ANKRD18A: variants seen among roughly 807,000 people sequenced by gnomAD.
The protein encoded by ANKRD18A is ankyrin repeat domain-containing protein 18A.
ANKRD18A carries 72 observed loss-of-function variants against 110.6 expected under a neutral mutation model. The ratio of observed to expected loss-of-function variants is 0.65; its 90% CI spans 0.54 to 0.79. ANKRD18A has a LOEUF of 0.79. Ranked by LOEUF, ANKRD18A falls within the 30% of genes least tolerant of loss-of-function variation. The pLI is 0.00. For synonymous variants in ANKRD18A, 305 were observed against 410.3 expected, an observed-to-expected ratio of 0.74 and a Z score of 3.10; for missense variants, 934 against 1,163.3, an observed-to-expected ratio of 0.80 and a Z score of 2.87.
chr9:38,617,840 AT>A (rs1469297284), intron 1 of ANKRD18A, among the ~76,000 whole-genome samples: 1 of 152,326 alleles, frequency 6.6e-6, no homozygotes, highest in East Asian at 1.9e-4. Context: ...GAATAAATGG[AT>A]TGATAGAATA....
chr9:38,614,418 G>A lies in ANKRD18A; in HGVS notation c.495+1176C>T, dbSNP rs999379807. On this transcript the variant is annotated intron_variant, in intron 3 of 15. Coordinates refer to ENST00000399703, the MANE Select transcript of ANKRD18A (RefSeq NM_147195.4). ...CCACCTCAGCCTCCTGAGTAGCTGG[G>A]ACTACAGGAACATGCCACAGTGCAT... is the stretch of plus-strand genomic sequence containing the variant. Among the ~76,000 whole-genome samples, 8 of 152,046 alleles carry A rather than the reference G, an allele frequency of 5.3e-5. No individual in the cohort carries two copies. The East Asian group carries it at 9.7e-4, about 18-fold the overall frequency.
At chr9:38,592,275 TAGA>T (rs1201004611) in intron 10 of ANKRD18A, among the ~76,000 whole-genome samples, 1 of 152,260 alleles carries the variant, frequency 6.6e-6, no homozygotes, top group Non-Finnish European at 1.5e-5. Flanking sequence ...TTTCAATTTA[TAGA>T]AGGATAGGCG....
chr9:38,606,391 G>A (rs1825359649), intron 6 of ANKRD18A, among the ~76,000 whole-genome samples: 1 of 152,090 alleles, frequency 6.6e-6, no homozygotes, highest in Non-Finnish European at 1.5e-5. Flanking sequence ...TTCCTCCTCA[G>A]CCTAATCAAC....
intron 12 of ANKRD18A, among the ~76,000 whole-genome samples, chr9:38,584,005 G>C (rs1375943077): frequency 6.6e-6 from 1 of 152,222 alleles, no homozygotes; most frequent in Non-Finnish European, 1.5e-5. Flanking sequence ...GGGGGGATGG[G>C]GTGGAGCCAC....
chr9:38,588,867 C>A (rs1381242556), intron 10 of ANKRD18A, among the ~76,000 whole-genome samples: 4 of 152,132 alleles, frequency 2.6e-5, no homozygotes, highest in Non-Finnish European at 5.9e-5. Context: ...TTCATCATTA[C>A]CTTTTCTGAA....
At chr9:38,575,388 G>A in intron 15 of ANKRD18A, 88 bp downstream of exon 15, 2 of 1,322,292 alleles carry the variant, frequency 1.5e-6, no homozygotes, top group Non-Finnish European at 2.0e-6. Context: ...ACATGCGTAA[G>A]TCAACAGAAC....
intron 10 of ANKRD18A, among the ~76,000 whole-genome samples, chr9:38,591,156 T>C (rs1824631782): frequency 6.8e-6 from 1 of 147,402 alleles, no homozygotes; most frequent in African/African-American, 2.5e-5. Context: ...TTTGGTAGAG[T>C]CAGGGTCTCA....
chr9:38,603,349 C>A (rs1303210009), intron 6 of ANKRD18A, 137 bp from the exon 7 acceptor site: 26 of 1,229,726 alleles, frequency 2.1e-5, no homozygotes, highest in Admixed American at 1.3e-4. Flanking sequence ...GCACTCATCA[C>A]CACAAATTTA....
chr9:38,585,019 GC>G (rs1380946007), intron 12 of ANKRD18A, among the ~76,000 whole-genome samples: 1 of 152,124 alleles, frequency 6.6e-6, no homozygotes, highest in East Asian at 1.9e-4. Context: ...AATGGCTGTT[GC>G]AGGGCCAAGA....
intron 8 of ANKRD18A, among the ~76,000 whole-genome samples, chr9:38,598,793 C>A (rs1414405570): frequency 6.6e-6 from 1 of 152,196 alleles, no homozygotes; most frequent in African/African-American, 2.4e-5. Flanking sequence ...TTCCATATGG[C>A]TTGTGGAACA....
chr9:38,595,766 T>C lies in ANKRD18A; in HGVS notation c.1574A>G (p.His525Arg). Residue 525 changes from histidine to arginine, a missense_variant, in exon 9 of 16, where the codon CAT (histidine) becomes CGT (arginine). His to Arg is a conservative substitution (Grantham distance 29). Coordinates refer to ENST00000399703, the MANE Select transcript of ANKRD18A (RefSeq NM_147195.4). ...QHRIKEMKQM[H>R]PNGEAKESQS... Reference sequence around the variant, plus strand: ...ACTTTCTTTAGCTTCTCCATTTGGATGCATCTGCTTCATTTCCTTTATTCG... The same window carrying C: ...ACTTTCTTTAGCTTCTCCATTTGGACGCATCTGCTTCATTTCCTTTATTCG... The C allele has an allele frequency of 6.4e-7, 1 of 1,551,388 alleles. No individual in the cohort carries two copies. Among genetic ancestry groups the C allele is most frequent in the South Asian group, 1.2e-5 (1 of 83,968 alleles).
At chr9:38,616,354 C>T (rs1056868736) in intron 1 of ANKRD18A, among the ~76,000 whole-genome samples, 4 of 152,166 alleles carry the variant, frequency 2.6e-5, no homozygotes, top group Non-Finnish European at 4.4e-5. Context: ...ATAAAGATGA[C>T]CACAGCAGCT....
Position 38,595,781 on chromosome 9 carries a change from T to C in ANKRD18A, c.1559A>G (p.Glu520Gly). Reference protein sequence around the residue: ...DLRQAQHRIKEMKQMHPNGEA... With the variant: ...DLRQAQHRIKGMKQMHPNGEA... ...TCCATTTGGATGCATCTGCTTCATT[T>C]CCTTTATTCGATGCTGTGCTTGCCT... Residue 520 changes from glutamate to glycine, a missense_variant, in exon 9 of 16, where the codon GAA (glutamate) becomes GGA (glycine). By Grantham distance (98) the Glu-to-Gly change is moderately conservative (BLOSUM62 -2). This residue lies in a region of ANKRD18A where 630 missense variants were observed against 797.5 expected (regional missense o/e 0.79). Transcript: ENST00000399703. 6.4e-7 allele frequency: 1 copy of C among 1,551,270 alleles called. No individual in the cohort carries two copies. Among genetic ancestry groups the C allele is most frequent in the Non-Finnish European group, 8.7e-7 (1 of 1,146,634 alleles).
chr9:38,611,618 C>T (rs1825625396), intron 3 of ANKRD18A, among the ~76,000 whole-genome samples: 2 of 152,090 alleles, frequency 1.3e-5, no homozygotes, highest in East Asian at 3.9e-4. Flanking sequence ...TTCATTGTTT[C>T]CCACTGAAAC....
At chr9:38,597,711 A>G (rs985344592) in intron 8 of ANKRD18A, among the ~76,000 whole-genome samples, 1 of 152,138 alleles carries the variant, frequency 6.6e-6, no homozygotes, top group Non-Finnish European at 1.5e-5. Context: ...GGGTGGTGGG[A>G]GGCCTCATCT....
At chr9:38,570,312 C>T (rs1823592305), downstream of ANKRD18A, among the ~76,000 whole-genome samples, 1 of 152,158 alleles carries the variant, frequency 6.6e-6, no homozygotes, top group South Asian at 2.1e-4. Flanking sequence ...AATAATTCTC[C>T]ATGGATCAGT....
At chr9:38,598,052 G>A (rs911179467) in intron 8 of ANKRD18A, among the ~76,000 whole-genome samples, 5 of 152,160 alleles carry the variant, frequency 3.3e-5, no homozygotes, top group African/African-American at 1.2e-4. Flanking sequence ...ATGCATGAAA[G>A]CACATTAAAC....
chr9:38,611,943 G>A (rs1825637918), intron 3 of ANKRD18A, among the ~76,000 whole-genome samples: 1 of 152,096 alleles, frequency 6.6e-6, no homozygotes, highest in South Asian at 2.1e-4. Flanking sequence ...TAACATTTTA[G>A]GAACTAGAGT....
chr9:38,571,046 C>T (rs1225587330), downstream of ANKRD18A: 16 of 1,403,848 alleles, frequency 1.1e-5, no homozygotes, highest in African/African-American at 2.2e-4. Flanking sequence ...TAATCAAGAA[C>T]CCTTGAGGCT....
Sources: gnomAD v4.1 joint callset for allele counts (sites outside exome capture counted in the v4.1 genomes callset) on GRCh38, gnomAD v4.1.1 for gene constraint, gnomAD v4.1.1 regional missense constraint, MANE v1.5 for transcripts, NCBI Gene and HGNC (gene_info 2026-07-23, HGNC 2026-07-21) for gene names.